The following NDRG3 variants were observed in gnomAD, a reference collection of about 807,000 sequenced individuals.
NDRG3 encodes the protein protein NDRG3.
A neutral mutation model predicts 57.2 loss-of-function variants in NDRG3; 23 were observed. That is an observed-to-expected ratio of 0.40 (90% CI 0.29 to 0.57). NDRG3 has a LOEUF of 0.57. Among genes scored for constraint, NDRG3 ranks in the 20% least tolerant of loss-of-function variants. The pLI is 0.42. For missense variants in NDRG3, 384 were observed against 457.3 expected (o/e 0.84, Z 1.46); for synonymous variants, 132 against 162.6 (o/e 0.81, Z 1.43).
At chr20:36,716,122 G>A (rs1455489302) in intron 2 of NDRG3, among the ~76,000 whole-genome samples, 1 of 151,682 alleles carries the variant, frequency 6.6e-6, no homozygotes, top group Non-Finnish European at 1.5e-5. Flanking sequence ...CTGTTGTCCT[G>A]GAGGTTACAA....
intron 2 of NDRG3, among the ~76,000 whole-genome samples, chr20:36,714,982 CTGTG>C (rs374158525): frequency 0.019 from 966 of 49,888 alleles, 24 homozygotes; most frequent in East Asian, 0.051. Context: ...AATCCTATAT[CTGTG>C]TGTGTGTGTG....
At chr20:36,718,847 A>T (rs939228652) in intron 2 of NDRG3, among the ~76,000 whole-genome samples, 2 of 151,742 alleles carry the variant, frequency 1.3e-5, no homozygotes, top group Non-Finnish European at 2.9e-5. Context: ...CACCTGGATC[A>T]TTTTTTTAAT....
At chr20:36,745,575 G>T (rs1259552738) in intron 1 of NDRG3, among the ~76,000 whole-genome samples, 1 of 152,204 alleles carries the variant, frequency 6.6e-6, no homozygotes, top group East Asian at 1.9e-4. Flanking sequence ...GTAGGGTCCC[G>T]TTAGAGGATG....
intron 3 of NDRG3, among the ~76,000 whole-genome samples, chr20:36,691,609 AG>A (rs1982270476): frequency 6.6e-6 from 1 of 152,164 alleles, no homozygotes; most frequent in African/African-American, 2.4e-5. Context: ...GCTACTTAGG[AG>A]GGTGAGGCAG....
In NDRG3 at chr20:36,671,334, T is replaced by A. The variant is rs770760356; in HGVS notation, c.588+7A>T. 4 of 1,611,820 alleles carry A rather than the reference T, an allele frequency of 2.5e-6. No homozygotes were observed. The African/African-American group carries it at 5.3e-5, about 22-fold the overall frequency. Reference sequence around the variant, plus strand: ...ACACAGCTCTTCTGGGTGGAACAGGTACTTACCTGCCCAAAGTGATGAGCC... The same window carrying A: ...ACACAGCTCTTCTGGGTGGAACAGGAACTTACCTGCCCAAAGTGATGAGCC... On this transcript the variant is annotated splice_region_variant and intron_variant, in intron 9 of 15. Coordinates refer to ENST00000349004, the MANE Select transcript of NDRG3 (RefSeq NM_032013.4).
chr20:36,716,403 G>C (rs1284970315), intron 2 of NDRG3, among the ~76,000 whole-genome samples: 1 of 151,632 alleles, frequency 6.6e-6, no homozygotes, highest in Non-Finnish European at 1.5e-5. Context: ...CATGGTGGCA[G>C]GTACCTATAA....
chr20:36,670,009 A>C (rs1312673761), intron 9 of NDRG3, among the ~76,000 whole-genome samples: 4 of 152,266 alleles, frequency 2.6e-5, no homozygotes, highest in Non-Finnish European at 5.9e-5. Context: ...TATGTTAAGC[A>C]AAAGAAGCCA....
chr20:36,668,403 C>A (rs1485091360), intron 9 of NDRG3, among the ~76,000 whole-genome samples: 1 of 152,228 alleles, frequency 6.6e-6, no homozygotes, highest in East Asian at 1.9e-4. Flanking sequence ...CATCTTCCCA[C>A]ATCCTTGCTA....
At chr20:36,671,985 A>G (rs1328670872) in intron 8 of NDRG3, among the ~76,000 whole-genome samples, 1 of 152,140 alleles carries the variant, frequency 6.6e-6, no homozygotes, top group Non-Finnish European at 1.5e-5. Context: ...AAAGCCTGAG[A>G]CCTAGACCTC....
At chr20:36,727,337 A>AGCCTCCCG (rs1265315289) in intron 1 of NDRG3, among the ~76,000 whole-genome samples, 1 of 151,952 alleles carries the variant, frequency 6.6e-6, no homozygotes, top group Non-Finnish European at 1.5e-5. Flanking sequence ...CTCCTGCCTC[A>AGCCTCCCG]GCCTCCCGAG....
Position 36,653,371 on chromosome 20 carries a change from G to C in NDRG3, c.*149C>G. On this transcript the variant is annotated 3_prime_UTR_variant, in exon 16 of 16. Coordinates refer to ENST00000349004, the MANE Select transcript of NDRG3 (RefSeq NM_032013.4). The surrounding 1 kb of genome is among the most constrained non-coding windows in gnomAD (Gnocchi z 4.2). ...ACAAAAAAGGGGGTGGGCAGGCAGA[G>C]AGAATGATAAATCCAGGCTACTAGA... 1.5e-6 allele frequency: 1 copy of C among 666,950 alleles called. No individual in the cohort carries two copies. The highest frequency in any genetic ancestry group is 2.5e-6 in the Non-Finnish European group (1 of 404,194). 41.3% of individuals were successfully genotyped at this position (666,950 alleles called of 1,614,324 possible).
chr20:36,713,901 A>T (rs1168621928), intron 2 of NDRG3, among the ~76,000 whole-genome samples: 1 of 152,190 alleles, frequency 6.6e-6, no homozygotes, highest in Non-Finnish European at 1.5e-5. Context: ...GCTGATAAAA[A>T]ACTGTTAAAG....
At chr20:36,676,640 T>G (rs923080084) in intron 8 of NDRG3, among the ~76,000 whole-genome samples, 1 of 152,234 alleles carries the variant, frequency 6.6e-6, no homozygotes, top group Admixed American at 6.5e-5. Flanking sequence ...TGTTTTTATT[T>G]TTAGTAGAAA....
chr20:36,726,191 G>A (rs1020714328), intron 1 of NDRG3, among the ~76,000 whole-genome samples: 5 of 152,044 alleles, frequency 3.3e-5, no homozygotes, highest in Admixed American at 1.3e-4. Context: ...CCCAAAGTGC[G>A]GGATTACAGG....
intron 2 of NDRG3, among the ~76,000 whole-genome samples, chr20:36,719,809 A>G (rs1423527229): frequency 6.6e-6 from 1 of 152,020 alleles, no homozygotes; most frequent in East Asian, 2.0e-4. Context: ...CCAAAAGAAT[A>G]GAGTGGAAAA....
intron 1 of NDRG3, among the ~76,000 whole-genome samples, chr20:36,728,344 G>A (rs1329017899): frequency 2.0e-5 from 3 of 152,078 alleles, no homozygotes; most frequent in Non-Finnish European, 4.4e-5. Context: ...GAGCCACTGC[G>A]CCCAGCCAGG....
At chr20:36,711,935 G>A (rs925670762) in intron 2 of NDRG3, among the ~76,000 whole-genome samples, 5 of 152,076 alleles carry the variant, frequency 3.3e-5, no homozygotes, top group African/African-American at 1.2e-4. Context: ...ACCCGCCACT[G>A]CGCCCGGCTA....
At chr20:36,655,670 C>T (rs1019704271) in intron 15 of NDRG3, among the ~76,000 whole-genome samples, 22 of 152,094 alleles carry the variant, frequency 1.4e-4, no homozygotes, top group African/African-American at 5.3e-4. Flanking sequence ...AGATTCACAC[C>T]TAGGACAGCC....
Position 36,726,861 on chromosome 20 carries a change from G to C in NDRG3, c.-48-5078C>G, listed in dbSNP as rs188499642. On this transcript the variant is annotated intron_variant, in intron 1 of 15. Transcript: ENST00000349004. ...CTACTCTGTCAGGAATTATAATCTC[G>C]GCACCTTATGTTTAATCCTCATAAC... 1.1e-3 allele frequency among the ~76,000 whole-genome samples: 170 copies of C among 151,992 alleles called. 1 individual carries two copies. Among genetic ancestry groups the C allele is most frequent in the Non-Finnish European group, 1.6e-3 (107 of 67,978 alleles).
Sources: allele counts gnomAD v4.1 joint callset (sites outside exome capture counted in the v4.1 genomes callset), GRCh38; gene constraint gnomAD v4.1.1; non-coding constraint Gnocchi (gnomAD v3.1); transcripts MANE v1.5; gene names NCBI Gene and HGNC (gene_info 2026-07-23, HGNC 2026-07-21).